The following C2orf74 variants were observed in gnomAD, a reference collection of about 807,000 sequenced individuals.
C2orf74 encodes DPM1 ER membrane anchor 1.
In C2orf74, 14 loss-of-function variants were observed where a neutral mutation model predicts 17.9. The observed-to-expected ratio is 0.78, with a 90% CI of 0.52 to 1.22. The LOEUF is 1.22. Ranked by LOEUF, C2orf74 falls within the 50% of genes most tolerant of loss-of-function variation. C2orf74 has a pLI of 0.00. For synonymous variants in C2orf74, 79 were observed against 72.6 expected, an observed-to-expected ratio of 1.09 and a Z score of -0.44; for missense variants, 217 against 218.4, an observed-to-expected ratio of 0.99 and a Z score of 0.04.
intron 4 of C2orf74, among the ~76,000 whole-genome samples, 158 bp downstream of exon 4, chr2:61,163,390 C>T (rs530603018): frequency 4.6e-5 from 7 of 152,198 alleles, no homozygotes; most frequent in East Asian, 1.9e-4. Flanking sequence ...GGGCGGATCA[C>T]GAGGGCACAT....
Position 61,162,228 on chromosome 2 carries a change from G to A in C2orf74, c.-192G>A. On this transcript the variant is annotated 5_prime_UTR_variant, in exon 1 of 5. Coordinates refer to ENST00000432605, the MANE Select transcript of C2orf74 (RefSeq NM_001143959.4). ...TGGGTCCTGATAGTTTTTGGGGTGA[G>A]GGAGGTGAGCTGCGTGATCACACAT... 2.4e-6 allele frequency: 1 copy of A among 415,732 alleles called. No homozygotes were observed. Among genetic ancestry groups the A allele is most frequent in the Admixed American group, 4.2e-5 (1 of 23,866 alleles). 25.8% of individuals were successfully genotyped at this position (415,732 alleles called of 1,614,324 possible).
At chr2:61,150,122 C>G (rs1377741723) in intron 1 of C2orf74, among the ~76,000 whole-genome samples, 5 of 152,134 alleles carry the variant, frequency 3.3e-5, no homozygotes, top group Non-Finnish European at 5.9e-5. Flanking sequence ...GGGCCAGGTG[C>G]TGAGGGTTGG....
rs113949339 is a variant in C2orf74 at position 61,155,809 on chromosome 2, C to T, written c.-121-7033C>T. ...TGCTGGGATTACAGGCGTGAGCCAC[C>T]GTGCCCGGCCCCAGAAATCAAGGTG... On this transcript the variant is annotated intron_variant, in intron 1 of 3. Coordinates refer to the C2orf74 transcript ENST00000426997. 9.8e-3 allele frequency among the ~76,000 whole-genome samples: 1,458 copies of T among 148,644 alleles called. 20 individuals are homozygous for T. Among genetic ancestry groups the T allele is most frequent in the African/African-American group, 0.034 (1,344 of 40,060 alleles).
chr2:61,162,741 T>TC, intron 2 of C2orf74, 101 bp from the exon 3 acceptor site: 1 of 1,129,212 alleles, frequency 8.9e-7, no homozygotes, highest in Admixed American at 2.2e-5. Context: ...TTTCAGCATT[T>TC]TAGAAATGCT....
At chr2:61,150,199 G>C (rs943132148) in intron 1 of C2orf74, among the ~76,000 whole-genome samples, 1 of 152,140 alleles carries the variant, frequency 6.6e-6, no homozygotes, top group African/African-American at 2.4e-5. Context: ...CTAAAACTCA[G>C]CCACATTCCT....
upstream of C2orf74, among the ~76,000 whole-genome samples, chr2:61,161,492 T>G (rs1685562255): frequency 6.6e-6 from 1 of 152,228 alleles, no homozygotes; most frequent in African/African-American, 2.4e-5. Flanking sequence ...TGATAATATG[T>G]TTATTTTTAA....
chr2:61,148,648 G>A (rs549795607), intron 1 of C2orf74, among the ~76,000 whole-genome samples: 1 of 152,048 alleles, frequency 6.6e-6, no homozygotes, highest in Non-Finnish European at 1.5e-5. Context: ...ATTTTCTATT[G>A]TCTTATTGAT....
chr2:61,161,485 T>C (rs994810163), upstream of C2orf74, among the ~76,000 whole-genome samples: 2 of 152,252 alleles, frequency 1.3e-5, no homozygotes, highest in Non-Finnish European at 2.9e-5. Flanking sequence ...GTAGAGATGA[T>C]AATATGTTTA....
intron 1 of C2orf74, chr2:61,152,198 G>A (rs1467594116): frequency 6.6e-6 from 1 of 152,238 alleles, no homozygotes; most frequent in African/African-American, 2.4e-5. Flanking sequence ...TTTTTGGAGT[G>A]GACTCTCTCC....
intron 1 of C2orf74, among the ~76,000 whole-genome samples, chr2:61,156,257 G>A (rs1685387834): frequency 6.6e-6 from 1 of 152,098 alleles, no homozygotes; most frequent in South Asian, 2.1e-4. Context: ...AAAATAATCA[G>A]CTGGGTTCTG....
chr2:61,150,428 G>T (rs80102792), intron 1 of C2orf74, among the ~76,000 whole-genome samples: 2,026 of 152,312 alleles, frequency 0.013, 22 homozygotes, highest in Non-Finnish European at 0.021. Context: ...TAAAAGAGGA[G>T]TGAGAGCCAC....
chr2:61,162,722 A>G (rs764928264), intron 2 of C2orf74, 113 bp downstream of exon 2: 17 of 1,071,402 alleles, frequency 1.6e-5, no homozygotes, highest in Non-Finnish European at 2.4e-5. Context: ...ATAATTATCT[A>G]CTTTTCCATT....
chr2:61,150,735 A>G (rs745598611), intron 1 of C2orf74, among the ~76,000 whole-genome samples: 3 of 152,198 alleles, frequency 2.0e-5, no homozygotes, highest in Non-Finnish European at 2.9e-5. Flanking sequence ...GGCAAGAACT[A>G]CAGGAGAGAA....
At chr2:61,145,696 T>G (rs1258737634) in intron 1 of C2orf74, among the ~76,000 whole-genome samples, 1 of 152,184 alleles carries the variant, frequency 6.6e-6, no homozygotes, top group Non-Finnish European at 1.5e-5. Flanking sequence ...GTGCTGGGAT[T>G]ACAGGCGTGA....
chr2:61,162,186 C>G (rs1685582359), upstream of C2orf74: 1 of 296,152 alleles, frequency 3.4e-6, no homozygotes, highest in African/African-American at 2.2e-5. Context: ...TCCAGCTGTT[C>G]CGATTCCTCT....
intron 2 of C2orf74, 90 bp from the exon 3 acceptor site, chr2:61,162,752 G>A: frequency 1.7e-6 from 2 of 1,155,702 alleles, no homozygotes; most frequent in Middle Eastern, 1.9e-4. Context: ...TAGAAATGCT[G>A]ATATCCTGTT....
intron 1 of C2orf74, among the ~76,000 whole-genome samples, chr2:61,154,441 A>T (rs1214966887): frequency 1.3e-5 from 2 of 152,154 alleles, no homozygotes; most frequent in African/African-American, 4.8e-5. Flanking sequence ...GACCCAAAAA[A>T]GACATTAGGT....
intron 1 of C2orf74, among the ~76,000 whole-genome samples, chr2:61,155,228 C>T (rs963464724): frequency 1.3e-5 from 2 of 152,188 alleles, no homozygotes; most frequent in African/African-American, 4.8e-5. Context: ...AAGACTTTGA[C>T]ATCCACAAGA....
chr2:61,152,626 A>C (rs1227731526), intron 1 of C2orf74, among the ~76,000 whole-genome samples: 5 of 151,920 alleles, frequency 3.3e-5, no homozygotes, highest in Admixed American at 6.6e-5. Flanking sequence ...AGGCGGGCAG[A>C]TTACCTGAGG....
Sources: gnomAD v4.1 joint callset for allele counts (sites outside exome capture counted in the v4.1 genomes callset) on GRCh38, gnomAD v4.1.1 for gene constraint, MANE v1.5 for transcripts, NCBI Gene and HGNC (gene_info 2026-07-23, HGNC 2026-07-21) for gene names.